ACER3: variants seen among roughly 807,000 people sequenced by gnomAD.
The protein encoded by ACER3 is alkCDase 3.
In ACER3, 16 loss-of-function variants were observed where a neutral mutation model predicts 48.9. The ratio of observed to expected loss-of-function variants is 0.33; its 90% confidence interval spans 0.22 to 0.50. ACER3 has a LOEUF of 0.50. ACER3 is among the 20% of genes least tolerant of loss of function. The pLI is 0.98. For synonymous variants in ACER3, 109 were observed against 107.8 expected (o/e 1.01, Z -0.07); for missense variants, 227 against 326.0 (o/e 0.70, Z 2.34).
At chr11:76,951,459 G>A (rs897853575) in intron 2 of ACER3, among the ~76,000 whole-genome samples, 4 of 152,094 alleles carry the variant, frequency 2.6e-5, no homozygotes, top group Non-Finnish European at 5.9e-5. Flanking sequence ...AATGTGTCTG[G>A]AGAGCATTTG....
At position 77,023,636 on chromosome 11, in the gene ACER3, C is replaced by T. The variant is rs1484889311; in HGVS notation, c.*3309C>T. The stretch of plus-strand genomic sequence containing the variant: ...TGAGTATTTCAAAGAGAACCATTTA[C>T]AATTGGAATTTCCACCTGTGTGGCT... On this transcript the variant is annotated 3_prime_UTR_variant, in exon 11 of 11. Coordinates refer to ENST00000532485, the MANE Select transcript of ACER3 (RefSeq NM_018367.7). 2 of 157,350 alleles carry T rather than the reference C, an allele frequency of 1.3e-5. No homozygotes were observed. Among genetic ancestry groups the T allele is most frequent in the Non-Finnish European group, 2.8e-5 (2 of 71,632 alleles). The allele number at this position is 157,350 out of a possible 1,614,324, so 9.7% of individuals were successfully genotyped here. A position where few individuals can be genotyped will look rare whatever the true frequency, so the allele number is the denominator to read the frequency against.
chr11:76,948,672 A>G (rs907608202), intron 2 of ACER3, among the ~76,000 whole-genome samples: 1 of 152,222 alleles, frequency 6.6e-6, no homozygotes, highest in African/African-American at 2.4e-5. Flanking sequence ...TTCTCCTTGT[A>G]TCATGTATTC....
At chr11:76,861,702 T>G (rs1944944799) in intron 1 of ACER3, among the ~76,000 whole-genome samples, 2 of 152,160 alleles carry the variant, frequency 1.3e-5, no homozygotes, top group African/African-American at 4.8e-5. Flanking sequence ...TATTCAACTG[T>G]CATCTTGCAC....
chr11:76,909,059 G>A (rs1357004099), intron 1 of ACER3, among the ~76,000 whole-genome samples: 1 of 152,118 alleles, frequency 6.6e-6, no homozygotes, highest in Non-Finnish European at 1.5e-5. Flanking sequence ...TAGGAAAACT[G>A]GCTAGCCATA....
At chr11:76,929,286 G>A in intron 2 of ACER3, among the ~76,000 whole-genome samples, 1 of 152,176 alleles carries the variant, frequency 6.6e-6, no homozygotes, top group Non-Finnish European at 1.5e-5. Context: ...GTATAAGAAT[G>A]CTTGTGATTT....
chr11:76,890,683 C>G (rs1015419236), intron 1 of ACER3, among the ~76,000 whole-genome samples: 1 of 152,120 alleles, frequency 6.6e-6, no homozygotes, highest in Middle Eastern at 3.2e-3. Flanking sequence ...AAATGTTAAT[C>G]CAGTAAATAT....
At chr11:76,864,594 G>GTTTTTT (rs376935274) in intron 1 of ACER3, among the ~76,000 whole-genome samples, 32 of 76,126 alleles carry the variant, frequency 4.2e-4, no homozygotes, top group East Asian at 2.1e-3. Flanking sequence ...TATGGAATGG[G>GTTTTTT]TATTTTTTTT....
intron 1 of ACER3, among the ~76,000 whole-genome samples, chr11:76,909,646 A>G (rs1385884355): frequency 6.6e-6 from 1 of 152,254 alleles, no homozygotes; most frequent in African/African-American, 2.4e-5. Context: ...ATGTGGAAAA[A>G]TAGGAACGCT....
chr11:76,971,111 A>G (rs1406074325), intron 3 of ACER3, among the ~76,000 whole-genome samples: 6 of 152,184 alleles, frequency 3.9e-5, no homozygotes, highest in Admixed American at 2.6e-4. Context: ...CCACTTGTCA[A>G]TTAATGGAAA....
chr11:77,006,721 C>A (rs1691470846), intron 7 of ACER3, among the ~76,000 whole-genome samples: 2 of 151,746 alleles, frequency 1.3e-5, no homozygotes. Flanking sequence ...TGTTTTCCCC[C>A]ATAGGTAAGA....
intron 3 of ACER3, among the ~76,000 whole-genome samples, chr11:76,965,123 A>G (rs1427294666): frequency 6.6e-6 from 1 of 151,422 alleles, no homozygotes. Context: ...AAAGGACCTG[A>G]TGGAGCTGAA....
At chr11:76,953,675 A>G (rs60791406) in intron 2 of ACER3, among the ~76,000 whole-genome samples, 4,026 of 152,208 alleles carry the variant, frequency 0.026, 193 homozygotes, top group African/African-American at 0.092. Context: ...AAAAAGTTGT[A>G]TTTTATGTGT....
intron 2 of ACER3, among the ~76,000 whole-genome samples, chr11:76,956,502 T>G (rs1452086536): frequency 6.6e-6 from 1 of 152,060 alleles, no homozygotes; most frequent in Non-Finnish European, 1.5e-5. Flanking sequence ...ACTGTAGAGA[T>G]CTCTAAAAAG....
chr11:76,875,472 C>T (rs12291220), intron 1 of ACER3, among the ~76,000 whole-genome samples: 1 of 152,064 alleles, frequency 6.6e-6, no homozygotes, highest in Non-Finnish European at 1.5e-5. Context: ...TGGAAGAATT[C>T]TTCAGTGAAT....
intron 2 of ACER3, among the ~76,000 whole-genome samples, chr11:76,958,315 T>G (rs1235825871): frequency 6.6e-6 from 1 of 151,288 alleles, no homozygotes; most frequent in African/African-American, 2.4e-5. Context: ...GCCTCCCGAG[T>G]AGCTGGTATT....
intron 8 of ACER3, chr11:77,015,386 G>A: frequency 7.6e-6 from 2 of 263,834 alleles, no homozygotes; most frequent in Non-Finnish European, 1.4e-5. Flanking sequence ...ATCAAATGTT[G>A]ACTATTCCTT....
Position 77,019,771 on chromosome 11 carries a change from G to T in ACER3, c.745G>T (p.Val249Leu). The T allele has an allele frequency of 6.2e-7, 1 of 1,613,882 alleles. No homozygotes were observed. The highest frequency in any genetic ancestry group is 8.5e-7 in the Non-Finnish European group (1 of 1,179,832). ...ACTTTACCTGAGATATAGGCCAAAA[G>T]TGAAGGTAAGTCCACTTCCTAGGTC... ...RTLYLRYRPK[V>L]KFLFGIWPVI... The change falls in exon 10 of 11, where the codon GTG becomes TTG. Residue 249 changes from valine (V) to leucine (L), a missense_variant. This residue lies in a region of ACER3 where 195 missense variants were observed against 290.8 expected (regional missense o/e 0.67). Coordinates refer to ENST00000532485, the MANE Select transcript of ACER3 (RefSeq NM_018367.7).
chr11:76,976,456 A>G, intron 4 of ACER3, 115 bp downstream of exon 4: 1 of 613,698 alleles, frequency 1.6e-6, no homozygotes, highest in Non-Finnish European at 2.7e-6. Context: ...AATGTAGAAG[A>G]TTATAAATTT....
chr11:77,022,637 G>T lies in ACER3; in HGVS notation c.*2310G>T, dbSNP rs1393791644. ...TTATTTTTTTCCTACTTGGATTCTA[G>T]GTGGACATTACAGAGTTGAATTCCT... On this transcript the variant is annotated 3_prime_UTR_variant, in exon 11 of 11. Transcript: ENST00000532485. 1 of 152,624 alleles carries T rather than the reference G, an allele frequency of 6.6e-6. No individual in the cohort carries two copies. The highest frequency in any genetic ancestry group is 1.5e-5 in the Non-Finnish European group (1 of 68,508). 9.5% of individuals were successfully genotyped at this position (152,624 alleles called of 1,614,324 possible). A position where few individuals can be genotyped will look rare whatever the true frequency, so the allele number is the denominator to read the frequency against.
Sources: gnomAD v4.1 joint callset for allele counts (sites outside exome capture counted in the v4.1 genomes callset) on GRCh38, gnomAD v4.1.1 for gene constraint, gnomAD v4.1.1 regional missense constraint, MANE v1.5 for transcripts, NCBI Gene and HGNC (gene_info 2026-07-23, HGNC 2026-07-21) for gene names.